RAB3C: variants seen among roughly 807,000 people sequenced by gnomAD.
The protein encoded by RAB3C is RAB3C, member RAS oncogene family, also known as ras-related protein Rab-3C.
RAB3C carries 17 observed loss-of-function variants against 26.4 expected under a neutral mutation model. The ratio of observed to expected loss-of-function variants is 0.64; its 90% CI spans 0.44 to 0.97. The LOEUF is 0.97. Among genes scored for constraint, RAB3C ranks in the 50% least tolerant of loss-of-function variants. The probability of loss-of-function intolerance (pLI) is 0.00; values close to 1 mark genes in which losing one functional copy is unlikely to be tolerated. For missense variants in RAB3C, 242 were observed against 281.9 expected, an observed-to-expected ratio of 0.86 and a Z score of 1.01; for synonymous variants, 91 against 95.9, an observed-to-expected ratio of 0.95 and a Z score of 0.30.
intron 3 of RAB3C, among the ~76,000 whole-genome samples, chr5:58,752,028 T>C (rs1741538783): frequency 6.6e-6 from 1 of 151,882 alleles, no homozygotes; most frequent in African/African-American, 2.4e-5. Context: ...AATTCCAGAC[T>C]TGCCTAAACT....
chr5:58,836,492 C>T (rs1232057800), intron 4 of RAB3C, among the ~76,000 whole-genome samples: 2 of 152,152 alleles, frequency 1.3e-5, no homozygotes, highest in African/African-American at 4.8e-5. Context: ...CCTTATCTGG[C>T]TGTAATTTTG....
At position 58,690,191 on chromosome 5, in the gene RAB3C, G is replaced by A. The variant is rs569845016; in HGVS notation, c.253-35811G>A. Among the ~76,000 whole-genome samples the A allele has an allele frequency of 5.9e-5, 9 of 152,120 alleles. No homozygotes were observed. In the South Asian group the frequency reaches 1.9e-3, roughly 32 times the overall value. On this transcript the variant is annotated intron_variant, in intron 2 of 4. Transcript: ENST00000282878. The stretch of plus-strand genomic sequence containing the variant: ...ATTAGAAATAGGTACTTCTAGTTAA[G>A]AATTCTATAGCCATTTGAGATGGTC...
chr5:58,606,495 C>T (rs917203418), intron 1 of RAB3C, among the ~76,000 whole-genome samples: 5 of 152,232 alleles, frequency 3.3e-5, no homozygotes, highest in African/African-American at 1.2e-4. Flanking sequence ...GCAGAAACTT[C>T]TGCAGACTTA....
intron 3 of RAB3C, among the ~76,000 whole-genome samples, chr5:58,743,842 G>A (rs947847188): frequency 6.6e-6 from 1 of 152,130 alleles, no homozygotes; most frequent in Non-Finnish European, 1.5e-5. Context: ...CATATTATTG[G>A]AATTGAACTT....
intron 2 of RAB3C, among the ~76,000 whole-genome samples, chr5:58,691,517 A>G (rs1417427747): frequency 2.0e-5 from 3 of 152,128 alleles, no homozygotes; most frequent in Non-Finnish European, 4.4e-5. Flanking sequence ...CTTTAAATCC[A>G]CTAATTAAAA....
At chr5:58,587,559 T>C (rs1183946268) in intron 1 of RAB3C, among the ~76,000 whole-genome samples, 1 of 152,160 alleles carries the variant, frequency 6.6e-6, no homozygotes, top group African/African-American at 2.4e-5. Context: ...CGTTCATTAG[T>C]TTATAGGTTT....
Position 58,667,718 on chromosome 5 carries a change from G to A in RAB3C, c.252+49848G>A, listed in dbSNP as rs76391775. Reference sequence around the variant, plus strand: ...TGACAGTGGCCCCGTGAGATATATCGTTCTATTTTACCAAAAGCTCTAAGA... The same window carrying A: ...TGACAGTGGCCCCGTGAGATATATCATTCTATTTTACCAAAAGCTCTAAGA... On this transcript the variant is annotated intron_variant, in intron 2 of 4. Transcript: ENST00000282878. 6.6e-5 allele frequency among the ~76,000 whole-genome samples: 10 copies of A among 151,592 alleles called. No homozygotes were observed. The East Asian group carries it at 1.2e-3, about 18-fold the overall frequency.
At chr5:58,809,754 C>CAG (rs1743028813) in intron 3 of RAB3C, among the ~76,000 whole-genome samples, 1 of 152,026 alleles carries the variant, frequency 6.6e-6, no homozygotes, top group African/African-American at 2.4e-5. Context: ...CTCTCTGCAC[C>CAG]AGAGAGAGAT....
chr5:58,593,729 T>G (rs1444721137), intron 1 of RAB3C, among the ~76,000 whole-genome samples: 2 of 152,198 alleles, frequency 1.3e-5, no homozygotes, highest in East Asian at 3.8e-4. Flanking sequence ...TCAGATTGGT[T>G]TGAAGTGTGC....
chr5:58,752,065 A>C (rs926442879), intron 3 of RAB3C, among the ~76,000 whole-genome samples: 7 of 98,192 alleles, frequency 7.1e-5, no homozygotes, highest in African/African-American at 3.5e-4. Flanking sequence ...CAGAGATGCA[A>C]AAAAAAATTA....
At chr5:58,840,678 G>T (rs979278498) in intron 4 of RAB3C, among the ~76,000 whole-genome samples, 20 of 152,096 alleles carry the variant, frequency 1.3e-4, no homozygotes, top group African/African-American at 4.8e-4. Flanking sequence ...CTAGGTGGAT[G>T]CAACAGTGTA....
chr5:58,760,914 C>G (rs1741781147), intron 3 of RAB3C, among the ~76,000 whole-genome samples: 1 of 152,168 alleles, frequency 6.6e-6, no homozygotes, highest in South Asian at 2.1e-4. Context: ...GATGGCAAGA[C>G]TTCCAGTTAA....
intron 4 of RAB3C, among the ~76,000 whole-genome samples, chr5:58,839,754 T>A (rs1320031228): frequency 6.6e-6 from 1 of 152,200 alleles, no homozygotes; most frequent in African/African-American, 2.4e-5. Flanking sequence ...TCATTTATCA[T>A]CTTTTTACTT....
intron 2 of RAB3C, among the ~76,000 whole-genome samples, chr5:58,625,673 G>A (rs1274227240): frequency 2.0e-5 from 3 of 151,838 alleles, no homozygotes; most frequent in African/African-American, 7.3e-5. Context: ...CCTGACCAAC[G>A]TGGTGAAAAC....
At chr5:58,727,563 T>C (rs912345721) in intron 3 of RAB3C, among the ~76,000 whole-genome samples, 11 of 151,978 alleles carry the variant, frequency 7.2e-5, no homozygotes, top group Admixed American at 5.9e-4. Flanking sequence ...AATCCAGAGA[T>C]AGGCATAAAT....
intron 2 of RAB3C, among the ~76,000 whole-genome samples, chr5:58,630,600 T>G (rs1747167272): frequency 6.6e-6 from 1 of 152,208 alleles, no homozygotes; most frequent in East Asian, 1.9e-4. Flanking sequence ...TGTTTCCTTA[T>G]TCAACCTGTT....
chr5:58,718,660 G>T (rs1258646846), intron 2 of RAB3C, among the ~76,000 whole-genome samples: 1 of 152,056 alleles, frequency 6.6e-6, no homozygotes, highest in East Asian at 1.9e-4. Context: ...GTATGAAAAG[G>T]TTGGATAAAG....
chr5:58,695,936 C>T (rs776416867), intron 2 of RAB3C, among the ~76,000 whole-genome samples: 1 of 152,162 alleles, frequency 6.6e-6, no homozygotes, highest in African/African-American at 2.4e-5. Context: ...CCTGATTGCC[C>T]TGGCCAGAAT....
intron 1 of RAB3C, among the ~76,000 whole-genome samples, chr5:58,595,407 G>A (rs960624188): frequency 1.3e-5 from 2 of 152,124 alleles, no homozygotes; most frequent in East Asian, 1.9e-4. Flanking sequence ...TCACCAAGAA[G>A]GGTGTCTGGT....
Sources: allele counts gnomAD v4.1 joint callset (sites outside exome capture counted in the v4.1 genomes callset), GRCh38; gene constraint gnomAD v4.1.1; transcripts MANE v1.5; gene names NCBI Gene and HGNC (gene_info 2026-07-23, HGNC 2026-07-21).